DERL1: variants seen among roughly 807,000 people sequenced by gnomAD.
DERL1 encodes derlin-1.
A neutral mutation model predicts 41.6 loss-of-function variants in DERL1; 24 were observed. The ratio of observed to expected loss-of-function variants is 0.58; its 90% CI spans 0.42 to 0.81. The LOEUF is 0.81. DERL1 is among the 30% of genes least tolerant of loss of function. DERL1 has a pLI of 0.00. For synonymous variants in DERL1, 124 were observed against 112.5 expected (o/e 1.10, Z -0.65); for missense variants, 260 against 314.3 (o/e 0.83, Z 1.31).
chr8:123,042,054 G>A lies in DERL1; in HGVS notation c.69C>T (p.Val23=). 6.2e-7 allele frequency: 1 copy of A among 1,613,928 alleles called. No homozygotes were observed. The highest frequency in any genetic ancestry group is 1.1e-5 in the South Asian group (1 of 91,056). The change falls in exon 1 of 8, where the codon GTC becomes GTT. Residue 23 remains valine, a synonymous_variant. Transcript: ENST00000259512. ...CGAGTTTGCCGACCAAGGGCACGGC[G>A]ACGGTGGCGGCGAACCAATAGCGCG... ...AITRYWFAAT[V]AVPLVGKLGL...
chr8:123,032,863 CTTTTTTTT>C (rs200724608), intron 1 of DERL1, among the ~76,000 whole-genome samples: 3 of 122,070 alleles, frequency 2.5e-5, no homozygotes, highest in Non-Finnish European at 5.1e-5. Context: ...TTTCTATTTT[CTTTTTTTT>C]TTTTTTTTTT....
rs575740339 is a variant in DERL1 at position 123,018,975 on chromosome 8, T to A, written c.617+220A>T. On this transcript the variant is annotated intron_variant, in intron 7 of 7. Transcript: ENST00000259512. ...CTCCTGTAATGTTGGAATCTAGTTG[T>A]CAGTGGTCCCTGGCTAAAAGAGTAA... 2.2e-5 allele frequency: 12 copies of A among 546,618 alleles called. No individual in the cohort carries two copies. The South Asian group carries it at 2.4e-4, about 11-fold the overall frequency. 33.9% of individuals were successfully genotyped at this position (546,618 alleles called of 1,614,324 possible).
At chr8:123,037,193 A>G (rs1445808208) in intron 1 of DERL1, among the ~76,000 whole-genome samples, 1 of 152,216 alleles carries the variant, frequency 6.6e-6, no homozygotes, top group Non-Finnish European at 1.5e-5. Context: ...CTATTTTTGA[A>G]TAGCTTATTT....
intron 6 of DERL1, 124 bp from the exon 7 acceptor site, chr8:123,019,429 C>A: frequency 3.0e-6 from 2 of 665,540 alleles, no homozygotes; most frequent in Non-Finnish European, 5.2e-6. Context: ...TCTGTGAGAG[C>A]TGACAATGAG....
chr8:123,040,223 A>AAAAG (rs752666869), intron 1 of DERL1, among the ~76,000 whole-genome samples: 33 of 152,322 alleles, frequency 2.2e-4, no homozygotes, highest in Non-Finnish European at 4.3e-4. Flanking sequence ...GTCTCCAAAA[A>AAAAG]AAAGAAAGAA....
rs1812650378 is a variant in DERL1, at chr8:123,024,973, G to A, written c.330+13C>T. 9 of 1,612,372 alleles carry A rather than the reference G, an allele frequency of 5.6e-6. No individual in the cohort carries two copies. Among genetic ancestry groups the A allele is most frequent in the Non-Finnish European group, 7.6e-6 (9 of 1,179,330 alleles). The stretch of plus-strand genomic sequence containing the variant: ...GGTTTATTTCTGGCCCAAAATCACA[G>A]ACTGAAGGATACCACGATGCAAATC... On this transcript the variant is annotated intron_variant, in intron 3 of 7. Transcript: ENST00000259512.
chr8:123,036,281 G>A (rs554391610), intron 1 of DERL1, among the ~76,000 whole-genome samples: 1 of 152,234 alleles, frequency 6.6e-6, no homozygotes, highest in Admixed American at 6.5e-5. Context: ...ATTGTGGTAT[G>A]GTCCCATAAT....
chr8:123,025,335 T>C (rs939677237), intron 2 of DERL1, among the ~76,000 whole-genome samples: 2 of 152,152 alleles, frequency 1.3e-5, no homozygotes, highest in Admixed American at 1.3e-4. Flanking sequence ...GAAAGTACAG[T>C]CAATTCCACA....
intron 1 of DERL1, among the ~76,000 whole-genome samples, chr8:123,033,795 T>C (rs1426973158): frequency 6.6e-6 from 1 of 152,210 alleles, no homozygotes; most frequent in Non-Finnish European, 1.5e-5. Flanking sequence ...CAACCCTAGC[T>C]GTAAATAAAC....
intron 2 of DERL1, among the ~76,000 whole-genome samples, chr8:123,026,249 A>G (rs1225752830): frequency 1.3e-5 from 2 of 152,238 alleles, no homozygotes; most frequent in Non-Finnish European, 2.9e-5. Context: ...GAGGATCACA[A>G]TGATGAATCA....
Position 123,013,536 on chromosome 8 carries a change from A to C in DERL1, c.*1911T>G, listed in dbSNP as rs1814471140. The C allele has an allele frequency of 6.6e-6, 1 of 152,206 alleles. No individual in the cohort carries two copies. Among genetic ancestry groups the C allele is most frequent in the African/African-American group, 2.4e-5 (1 of 41,444 alleles). 9.4% of individuals were successfully genotyped at this position (152,206 alleles called of 1,614,324 possible). On this transcript the variant is annotated 3_prime_UTR_variant, in exon 8 of 8. Transcript: ENST00000259512. ...AAATTATTCCAGAAACATAATCCAG[A>C]CAAAATCAATAACGTCATCAGCTTC...
At chr8:123,028,623 T>C (rs748713177) in intron 2 of DERL1, among the ~76,000 whole-genome samples, 1 of 152,154 alleles carries the variant, frequency 6.6e-6, no homozygotes, top group Non-Finnish European at 1.5e-5. Context: ...GTGAATTTGG[T>C]CTCAGTAAAA....
At chr8:123,033,979 CACAAAAG>C (rs1812870591) in intron 1 of DERL1, among the ~76,000 whole-genome samples, 1 of 152,134 alleles carries the variant, frequency 6.6e-6, no homozygotes, top group Non-Finnish European at 1.5e-5. Context: ...ATGTACCAAG[CACAAAAG>C]ACATGGCCCC....
intron 7 of DERL1, 52 bp from the exon 8 acceptor site, chr8:123,015,637 C>A: frequency 6.4e-7 from 1 of 1,554,998 alleles, no homozygotes; most frequent in Admixed American, 1.8e-5. Context: ...AAAGTCACTT[C>A]CACATAGTTA....
intron 7 of DERL1, chr8:123,016,007 C>T (rs1814559465): frequency 6.5e-6 from 1 of 153,856 alleles, no homozygotes; most frequent in Admixed American, 6.5e-5. Flanking sequence ...AAATCCACAG[C>T]CTGCATGTTT....
At chr8:123,036,556 G>T (rs1300485155) in intron 1 of DERL1, among the ~76,000 whole-genome samples, 1 of 152,126 alleles carries the variant, frequency 6.6e-6, no homozygotes, top group African/African-American at 2.4e-5. Context: ...AAAAACTCAA[G>T]CTATAAACTT....
intron 1 of DERL1, among the ~76,000 whole-genome samples, chr8:123,039,985 A>G (rs1156725716): frequency 6.6e-6 from 1 of 152,242 alleles, no homozygotes; most frequent in African/African-American, 2.4e-5. Context: ...TGGGAGGCTG[A>G]GGCGGGTGGA....
Position 123,041,091 on chromosome 8 carries a change from T to C in DERL1, c.153+879A>G, listed in dbSNP as rs549181762. The stretch of plus-strand genomic sequence containing the variant: ...GAGTCTATAGAAAAGGTCCTATAAC[T>C]GATTCCCAAGGCACATCCTAACATT... On this transcript the variant is annotated intron_variant, in intron 1 of 7. Coordinates refer to ENST00000259512, the MANE Select transcript of DERL1 (RefSeq NM_024295.6). 3.3e-5 allele frequency among the ~76,000 whole-genome samples: 5 copies of C among 152,328 alleles called. No homozygotes were observed. In the South Asian group the frequency reaches 8.3e-4, roughly 25 times the overall value.
At chr8:123,017,166 T>C (rs1383996949) in intron 7 of DERL1, 1 of 152,174 alleles carries the variant, frequency 6.6e-6, no homozygotes, top group Non-Finnish European at 1.5e-5. Context: ...AAATTTAGTG[T>C]GTACAGAGAA....
Sources: allele counts gnomAD v4.1 joint callset (sites outside exome capture counted in the v4.1 genomes callset), GRCh38; gene constraint gnomAD v4.1.1; transcripts MANE v1.5; gene names NCBI Gene and HGNC (gene_info 2026-07-23, HGNC 2026-07-21).